HYDIN: variants seen among roughly 807,000 people sequenced by gnomAD.
HYDIN encodes axonemal central pair apparatus protein HYDIN.
Under a neutral mutation model 403.9 loss-of-function variants are expected in HYDIN, and 132 were observed. That is an observed-to-expected ratio of 0.33 (90% CI 0.28 to 0.38). The LOEUF is 0.38. Ranked by LOEUF, HYDIN falls within the 10% of genes least tolerant of loss-of-function variation. The pLI, the probability that HYDIN is intolerant of heterozygous loss-of-function variation, is 1.00. For missense variants in HYDIN, 2,827 were observed against 5,009.5 expected, an observed-to-expected ratio of 0.56 and a Z score of 13.15; for synonymous variants, 1,202 against 1,891.7, an observed-to-expected ratio of 0.64 and a Z score of 9.46.
At chr16:70,890,017 T>C (rs1416550911) in intron 57 of HYDIN, among the ~76,000 whole-genome samples, 2 of 152,272 alleles carry the variant, frequency 1.3e-5, no homozygotes, top group Non-Finnish European at 2.9e-5. Flanking sequence ...AGAAAATTAC[T>C]TGTGGATGTC....
chr16:70,982,085 G>A (rs1365004282), intron 28 of HYDIN, among the ~76,000 whole-genome samples: 3 of 143,480 alleles, frequency 2.1e-5, no homozygotes, highest in Non-Finnish European at 3.0e-5. Flanking sequence ...CCGAGATCGC[G>A]CCACTGCACT....
chr16:71,041,949 C>T (rs565161886), intron 18 of HYDIN, among the ~76,000 whole-genome samples: 1 of 151,956 alleles, frequency 6.6e-6, no homozygotes, highest in Non-Finnish European at 1.5e-5. Context: ...ATAAATAATA[C>T]ATGTAGACAG....
intron 9 of HYDIN, among the ~76,000 whole-genome samples, chr16:71,122,542 G>A (rs1038734339): frequency 1.8e-4 from 15 of 83,578 alleles, no homozygotes; most frequent in Middle Eastern, 4.0e-3. Context: ...GGTAGGAGAA[G>A]TGGAAGGAGT....
intron 77 of HYDIN, 76 bp from the exon 78 acceptor site, chr16:70,835,910 G>C (rs2037392963): frequency 3.1e-6 from 2 of 642,224 alleles, no homozygotes; most frequent in Non-Finnish European, 5.6e-6. Context: ...CTACTCTGGT[G>C]AGGCAAGGGT....
At chr16:71,078,642 C>T (rs572749113) in intron 13 of HYDIN, among the ~76,000 whole-genome samples, 163 of 152,100 alleles carry the variant, frequency 1.1e-3, no homozygotes, top group African/African-American at 3.6e-3. Context: ...GTAGCTGGGG[C>T]GACAGGTACG....
intron 43 of HYDIN, among the ~76,000 whole-genome samples, chr16:70,940,576 G>A (rs1248028087): frequency 6.6e-6 from 1 of 152,026 alleles, no homozygotes; most frequent in Non-Finnish European, 1.5e-5. Flanking sequence ...TCATTCTGAA[G>A]ATAAGTGGGA....
chr16:70,809,866 A>T lies in HYDIN; in HGVS notation c.14800T>A (p.Phe4934Ile). ...TGGCTGCTGCCAAGGACAGTCTGGA[A>T]GTGAACAGGCTTTTCCGGAAGTGCT... ...TPALPEKPVH[F>I]QTVLGSSQII... Residue 4934 changes from phenylalanine (F) to isoleucine (I), a missense_variant, in exon 85 of 86, where the codon TTC (phenylalanine) becomes ATC (isoleucine). Transcript: ENST00000393567. 1 of 1,614,246 alleles carries T rather than the reference A, an allele frequency of 6.2e-7. No homozygotes were observed. Among genetic ancestry groups the T allele is most frequent in the Non-Finnish European group, 8.5e-7 (1 of 1,180,034 alleles).
chr16:71,060,336 G>T (rs1246182523), intron 18 of HYDIN, among the ~76,000 whole-genome samples, 168 bp downstream of exon 18: 5 of 152,200 alleles, frequency 3.3e-5, no homozygotes, highest in African/African-American at 1.2e-4. Context: ...ACATTATTAT[G>T]TTAATTTATT....
chr16:71,152,950 G>A (rs2085599433), intron 6 of HYDIN, 167 bp from the exon 7 acceptor site: 6 of 570,512 alleles, frequency 1.1e-5, no homozygotes, highest in Admixed American at 3.2e-5. Flanking sequence ...AAGAACTTTA[G>A]TTTTAATGTT....
chr16:71,226,494 T>G (rs146164678), intron 1 of HYDIN, among the ~76,000 whole-genome samples: 128 of 152,278 alleles, frequency 8.4e-4, no homozygotes, highest in African/African-American at 2.8e-3. Context: ...AAAGAAACAT[T>G]GAGGAAAATC....
intron 45 of HYDIN, among the ~76,000 whole-genome samples, chr16:70,931,567 C>T (rs2077334231): frequency 6.6e-6 from 1 of 151,658 alleles, no homozygotes; most frequent in Non-Finnish European, 1.5e-5. Context: ...CGGAACCTCT[C>T]TGCATATTAA....
intron 4 of HYDIN, 77 bp downstream of exon 4, chr16:71,178,851 C>A: frequency 8.5e-7 from 1 of 1,180,340 alleles, no homozygotes. Context: ...TATCAAAGAT[C>A]CCTCAAGATC....
At position 71,230,648 on chromosome 16, in the gene HYDIN, G is replaced by C; in HGVS notation, c.-110C>G. On this transcript the variant is annotated 5_prime_UTR_variant, in exon 1 of 86. Coordinates refer to ENST00000393567, the MANE Select transcript of HYDIN (RefSeq NM_001270974.2). Reference sequence around the variant, plus strand: ...AACTCACAGACCCCGCCGCCGCTGAGGGGCTCCATACCCAGCTTGAAGCCG... The same window carrying C: ...AACTCACAGACCCCGCCGCCGCTGACGGGCTCCATACCCAGCTTGAAGCCG... 1 of 1,536,036 alleles carries C rather than the reference G, an allele frequency of 6.5e-7. No homozygotes were observed. The highest frequency in any genetic ancestry group is 8.7e-7 in the Non-Finnish European group (1 of 1,146,852).
chr16:70,834,761 T>C (rs1396975625), intron 78 of HYDIN, among the ~76,000 whole-genome samples: 1 of 151,492 alleles, frequency 6.6e-6, no homozygotes, highest in Non-Finnish European at 1.5e-5. Flanking sequence ...GGCAGGAGAA[T>C]CACTTGAACC....
At chr16:71,107,411 G>C (rs925335651) in intron 10 of HYDIN, among the ~76,000 whole-genome samples, 60 of 151,066 alleles carry the variant, frequency 4.0e-4, no homozygotes, top group African/African-American at 1.4e-3. Flanking sequence ...AAAAATATTT[G>C]CAAACTATGC....
At position 70,892,555 on chromosome 16, in the gene HYDIN, C is replaced by T. The variant is rs770677809; in HGVS notation, c.9249-26G>A. ...CTGAAAGACAAGAATAAGAAGTCAG[C>T]CTAGGTCATTATCCCGGGAACTCAA... On this transcript the variant is annotated intron_variant, in intron 55 of 85. Transcript: ENST00000393567. 7 of 1,595,160 alleles carry T rather than the reference C, an allele frequency of 4.4e-6. No individual in the cohort carries two copies. In the Admixed American group the frequency reaches 7.0e-5, roughly 16 times the overall value.
Position 71,192,406 on chromosome 16 carries a change from C to A in HYDIN, c.-23-5488G>T, listed in dbSNP as rs115320891. On this transcript the variant is annotated intron_variant, in intron 1 of 85. Coordinates refer to ENST00000393567, the MANE Select transcript of HYDIN (RefSeq NM_001270974.2). Reference sequence around the variant, plus strand: ...GACCTTTCCAAAGGGAAAATTTGGTCATGCCATTTCTCTGCCTAAAATCGT... The same window carrying A: ...GACCTTTCCAAAGGGAAAATTTGGTAATGCCATTTCTCTGCCTAAAATCGT... 2.7e-3 allele frequency among the ~76,000 whole-genome samples: 409 copies of A among 152,282 alleles called. 2 individuals carry two copies. The highest frequency in any genetic ancestry group is 9.7e-3 in the African/African-American group (401 of 41,550).
At chr16:70,903,025 T>C (rs1176169744) in intron 52 of HYDIN, among the ~76,000 whole-genome samples, 1 of 140,216 alleles carries the variant, frequency 7.1e-6, no homozygotes, top group Non-Finnish European at 1.5e-5. Flanking sequence ...GGCATGATCA[T>C]GACTCACTGG....
chr16:71,113,591 A>ATTTT (rs139507490), intron 10 of HYDIN: 3 of 127,586 alleles, frequency 2.4e-5, no homozygotes, highest in East Asian at 2.2e-4. Flanking sequence ...CATGATCTTG[A>ATTTT]TTTTTTTTTT....
Sources: gnomAD v4.1 joint callset for allele counts (sites outside exome capture counted in the v4.1 genomes callset) on GRCh38, gnomAD v4.1.1 for gene constraint, MANE v1.5 for transcripts, NCBI Gene and HGNC (gene_info 2026-07-23, HGNC 2026-07-21) for gene names.